The following PPP6R2 variants were observed in gnomAD, a reference collection of about 807,000 sequenced individuals.
PPP6R2 encodes protein phosphatase 6 regulatory subunit 2, also known as serine/threonine-protein phosphatase 6 regulatory subunit 2.
PPP6R2 carries 62 observed loss-of-function variants against 100.2 expected under a neutral mutation model. The observed-to-expected ratio is 0.62, with a 90% CI of 0.50 to 0.76. PPP6R2 has a LOEUF of 0.76. PPP6R2 is among the 30% of genes least tolerant of loss of function. The pLI is 0.00. For missense variants in PPP6R2, 1,142 were observed against 1,276.3 expected (o/e 0.89, Z 1.60); for synonymous variants, 525 against 514.7 (o/e 1.02, Z -0.27).
intron 1 of PPP6R2, among the ~76,000 whole-genome samples, chr22:50,357,139 T>C (rs2046775663): frequency 6.6e-6 from 1 of 152,186 alleles, no homozygotes; most frequent in African/African-American, 2.4e-5. Flanking sequence ...TGAGCAACTT[T>C]TCAGGTGCCT....
intron 22 of PPP6R2, 68 bp from the exon 23 acceptor site, chr22:50,443,797 CT>C: frequency 6.7e-7 from 1 of 1,499,248 alleles, no homozygotes; most frequent in Non-Finnish European, 9.0e-7. Context: ...CCAGCTGGTC[CT>C]TGGGCATGAG....
At chr22:50,336,973 C>T in the PPP6R2 span, among the ~76,000 whole-genome samples, 2 of 152,082 alleles carry the variant, frequency 1.3e-5, no homozygotes, top group African/African-American at 2.4e-5. Flanking sequence ...TAATTAATCC[C>T]CTCTTGTTGA....
In PPP6R2 at chr22:50,365,069, C is replaced by CT. The variant is rs753699499; in HGVS notation, c.-147-6932dup. Among the ~76,000 whole-genome samples the CT allele has an allele frequency of 2.8e-3, 354 of 128,418 alleles. 1 individual carries two copies. Among genetic ancestry groups the CT allele is most frequent in the Middle Eastern group, 0.012 (3 of 248 alleles). 84.2% of individuals were successfully genotyped at this position (128,418 alleles called of 152,430 possible). ...TTTAGGTTCTTGAACATATGAGATA[C>CT]TTTTTTTTTTTTTTTTTTTGAGACG... On this transcript the variant is annotated intron_variant, in intron 1 of 23. Coordinates refer to ENST00000612753, the MANE Select transcript of PPP6R2 (RefSeq NM_001242898.2).
intron 12 of PPP6R2, among the ~76,000 whole-genome samples, chr22:50,434,635 A>G (rs1177644692): frequency 7.4e-5 from 4 of 54,278 alleles, no homozygotes; most frequent in South Asian, 7.0e-4. Flanking sequence ...GCTCTGGAGG[A>G]GGGCCGGGGG....
chr22:50,400,542 G>A (rs968312349), intron 3 of PPP6R2, among the ~76,000 whole-genome samples: 1 of 152,176 alleles, frequency 6.6e-6, no homozygotes, highest in Non-Finnish European at 1.5e-5. Context: ...CTCTCTGAGG[G>A]CATTTAGGTT....
intron 2 of PPP6R2, among the ~76,000 whole-genome samples, chr22:50,391,191 T>G (rs2055440116): frequency 6.6e-6 from 1 of 151,436 alleles, no homozygotes. Context: ...CCCAGCACTG[T>G]GGGGGGCCTA....
Position 50,444,248 on chromosome 22 carries a change from T to C in PPP6R2, c.*1T>C. The C allele has an allele frequency of 6.2e-7, 1 of 1,612,666 alleles. No homozygotes were observed. Among genetic ancestry groups the C allele is most frequent in the Non-Finnish European group, 8.5e-7 (1 of 1,179,772 alleles). On this transcript the variant is annotated 3_prime_UTR_variant, in exon 24 of 24. Coordinates refer to ENST00000612753, the MANE Select transcript of PPP6R2 (RefSeq NM_001242898.2). ...AGCTGCCTTAAATGGCCCAGTGTGA[T>C]GCTGCTGCCGCCCGGCCACGGCCCA...
At chr22:50,382,324 C>T (rs1425596777) in intron 2 of PPP6R2, among the ~76,000 whole-genome samples, 1 of 151,978 alleles carries the variant, frequency 6.6e-6, no homozygotes, top group Non-Finnish European at 1.5e-5. Context: ...TCAAACAGGG[C>T]ACGGTGGCTC....
At chr22:50,436,212 C>T (rs1344704251) in intron 13 of PPP6R2, among the ~76,000 whole-genome samples, 155 bp from the exon 14 acceptor site, 1 of 152,258 alleles carries the variant, frequency 6.6e-6, no homozygotes, top group African/African-American at 2.4e-5. Flanking sequence ...TCTTTCTCAT[C>T]CGGCAAAGCC....
At chr22:50,406,130 A>AAGGCCTGGAGAGAGGCGAG (rs551309385) in intron 3 of PPP6R2, among the ~76,000 whole-genome samples, 1 of 92,062 alleles carries the variant, frequency 1.1e-5, no homozygotes, top group Non-Finnish European at 2.0e-5. Context: ...GGCGAGTGTG[A>AAGGCCTGGAGAGAGGCGAG]AGGCCTGGAG....
intron 2 of PPP6R2, among the ~76,000 whole-genome samples, chr22:50,390,892 A>T (rs1281680838): frequency 6.9e-6 from 1 of 145,706 alleles, no homozygotes; most frequent in Non-Finnish European, 1.5e-5. Flanking sequence ...CCAGCTACTC[A>T]GGAGGGTGAG....
chr22:50,445,006 G>A lies in PPP6R2; in HGVS notation c.*759G>A, dbSNP rs190563498. 7 of 152,630 alleles carry A rather than the reference G, an allele frequency of 4.6e-5. No homozygotes were observed. Among genetic ancestry groups the A allele is most frequent in the East Asian group, 3.9e-4 (2 of 5,178 alleles). 9.5% of individuals were successfully genotyped at this position (152,630 alleles called of 1,614,324 possible). ...AGAAGGGTCCAGAAGATTATTTTACGTTGAGTCCATTTTTAATGTTCTGAT... is the reference window on the plus strand; with the variant it reads ...AGAAGGGTCCAGAAGATTATTTTACATTGAGTCCATTTTTAATGTTCTGAT... On this transcript the variant is annotated 3_prime_UTR_variant, in exon 24 of 24. Transcript: ENST00000612753.
At chr22:50,432,393 A>C in intron 12 of PPP6R2, 64 bp downstream of exon 12, 1 of 1,429,542 alleles carries the variant, frequency 7.0e-7, no homozygotes, top group Non-Finnish European at 9.6e-7. Flanking sequence ...GACGCACCTC[A>C]CCCAAGCCCT....
At position 50,423,385 on chromosome 22, in the gene PPP6R2, G is replaced by C. The variant is rs2061590199; in HGVS notation, c.973-77G>C. 6.4e-7 allele frequency: 1 copy of C among 1,571,670 alleles called. No individual in the cohort carries two copies. Among genetic ancestry groups the C allele is most frequent in the Non-Finnish European group, 8.7e-7 (1 of 1,148,066 alleles). On this transcript the variant is annotated intron_variant, in intron 9 of 23. Transcript: ENST00000612753. The surrounding 1 kb of genome is among the most constrained non-coding windows in gnomAD (Gnocchi z 4.8). Reference sequence around the variant, plus strand: ...AGGCTGGGTCCCAGCCTAGAGTGATGGGCATGAGCCCAGAGACTCCAGCAG... The same window carrying C: ...AGGCTGGGTCCCAGCCTAGAGTGATCGGCATGAGCCCAGAGACTCCAGCAG...
intron 4 of PPP6R2, among the ~76,000 whole-genome samples, chr22:50,413,595 C>T (rs1395862689): frequency 6.6e-6 from 1 of 152,076 alleles, no homozygotes; most frequent in Non-Finnish European, 1.5e-5. Flanking sequence ...TTATTTGTAC[C>T]TTCTGTTTTG....
chr22:50,442,011 C>T (rs995454989), intron 22 of PPP6R2, among the ~76,000 whole-genome samples: 4 of 152,154 alleles, frequency 2.6e-5, no homozygotes, highest in African/African-American at 4.8e-5. Flanking sequence ...GGGAAGTCCT[C>T]GGGCTGGATT....
intron 2 of PPP6R2, chr22:50,393,615 C>G: frequency 1.0e-6 from 1 of 955,238 alleles, no homozygotes; most frequent in Middle Eastern, 5.4e-4. Context: ...GCTGGGGGTG[C>G]AGCCTCAGAG....
Position 50,439,451 on chromosome 22 carries a change from T to TG in PPP6R2, c.2129-245dup, listed in dbSNP as rs577122636. 1.2e-4 allele frequency among the ~76,000 whole-genome samples: 18 copies of TG among 152,206 alleles called. No homozygotes were observed. In the South Asian group the frequency reaches 3.7e-3, roughly 32 times the overall value. On this transcript the variant is annotated intron_variant, in intron 19 of 23. Coordinates refer to ENST00000612753, the MANE Select transcript of PPP6R2 (RefSeq NM_001242898.2). ...GTCAGTGTCAGTCCTGCTGGAGGCCTGGGGGCCCTCAGGCACCTGACTGAG... is the reference window on the plus strand; with the variant it reads ...GTCAGTGTCAGTCCTGCTGGAGGCCTGGGGGGCCCTCAGGCACCTGACTGAG...
intron 2 of PPP6R2, among the ~76,000 whole-genome samples, chr22:50,382,513 C>T (rs1329081161): frequency 2.1e-5 from 3 of 142,282 alleles, no homozygotes; most frequent in Non-Finnish European, 3.1e-5. Context: ...GGTGAAAATC[C>T]GTCTCCAAAA....
Sources: gnomAD v4.1 joint callset for allele counts (sites outside exome capture counted in the v4.1 genomes callset) on GRCh38, gnomAD v4.1.1 for gene constraint, Gnocchi (gnomAD v3.1) non-coding constraint, MANE v1.5 for transcripts, NCBI Gene and HGNC (gene_info 2026-07-23, HGNC 2026-07-21) for gene names.